MAN2C1: variants seen among roughly 807,000 people sequenced by gnomAD.
MAN2C1 encodes alpha-mannosidase 2C1.
A neutral mutation model predicts 126.9 loss-of-function variants in MAN2C1; 111 were observed. The ratio of observed to expected loss-of-function variants is 0.87; its 90% CI spans 0.75 to 1.02. The LOEUF is 1.02. Among genes scored for constraint, MAN2C1 ranks in the 50% least tolerant of loss-of-function variants. MAN2C1 has a pLI of 0.00. For synonymous variants in MAN2C1, 567 were observed against 561.5 expected (o/e 1.01, Z -0.14); for missense variants, 1,363 against 1,364.4 (o/e 1.00, Z 0.02).
Position 75,362,279 on chromosome 15 carries a change from G to T in MAN2C1, c.1008+64C>A. On this transcript the variant is annotated intron_variant, in intron 8 of 25. Transcript: ENST00000267978. This position sits in a 1 kb window ranked among gnomAD's most constrained non-coding sequence, Gnocchi z 4.5. ...AACTCACCAGCAAAGCCGGGAGGGC[G>T]GGGCTACCTGAGGGAAGGCTGTTGT... 1 of 1,441,420 alleles carries T rather than the reference G, an allele frequency of 6.9e-7. No individual in the cohort carries two copies. The allele number at this position is 1,441,420 out of a possible 1,614,324, so 89.3% of individuals were successfully genotyped here. A position where few individuals can be genotyped will look rare whatever the true frequency, so the allele number is the denominator to read the frequency against.
intron 18 of MAN2C1, 116 bp downstream of exon 18, chr15:75,358,943 G>A: frequency 6.7e-7 from 1 of 1,488,684 alleles, no homozygotes; most frequent in South Asian, 1.2e-5. Context: ...CCATGTGTGG[G>A]TTCCAGCCCA....
intron 1 of MAN2C1, 22 bp from the exon 2 acceptor site, chr15:75,368,220 G>T (rs541672922): frequency 6.3e-7 from 1 of 1,589,548 alleles, no homozygotes; most frequent in Admixed American, 1.7e-5. Context: ...GGGCCGGTGG[G>T]CACATGCTGG....
At position 75,361,935 on chromosome 15, in the gene MAN2C1, G is replaced by GC. The variant is rs748209511; in HGVS notation, c.1020dup (p.Pro341AlafsTer27). ...TGCCTCACCATGGCCTCTCCACTGG[G>GC]CAGGTTCCCATCCTGGCAGTGAAGG... On this transcript the variant is annotated frameshift_variant, in exon 9 of 26. Transcript: ENST00000267978. LOFTEE classifies it high-confidence loss of function. This position sits in a 1 kb window ranked among gnomAD's most constrained non-coding sequence, Gnocchi z 5.0. 5.0e-6 allele frequency: 8 copies of GC among 1,613,798 alleles called. No individual in the cohort carries two copies. Among genetic ancestry groups the GC allele is most frequent in the Non-Finnish European group, 6.8e-6 (8 of 1,179,800 alleles).
intron 2 of MAN2C1, 57 bp from the exon 3 acceptor site, chr15:75,367,691 C>T (rs1187742533): frequency 1.9e-6 from 3 of 1,599,694 alleles, no homozygotes; most frequent in African/African-American, 1.3e-5. Context: ...TGATATCCTT[C>T]CTTGGATAAA....
intron 6 of MAN2C1, among the ~76,000 whole-genome samples, chr15:75,363,460 A>G (rs1261423206): frequency 6.6e-6 from 1 of 152,090 alleles, no homozygotes; most frequent in Admixed American, 6.5e-5. Context: ...TGTCTCTGTA[A>G]TCCTACCCTC....
chr15:75,356,036 G>T lies in MAN2C1; in HGVS notation c.2997-4C>A. The T allele has an allele frequency of 6.2e-7, 1 of 1,613,924 alleles. No individual in the cohort carries two copies. The highest frequency in any genetic ancestry group is 8.5e-7 in the Non-Finnish European group (1 of 1,179,924). On this transcript the variant is annotated splice_polypyrimidine_tract_variant and splice_region_variant and intron_variant, in intron 25 of 25. Coordinates refer to ENST00000267978, the MANE Select transcript of MAN2C1 (RefSeq NM_006715.4). This position sits in a 1 kb window ranked among gnomAD's most constrained non-coding sequence, Gnocchi z 5.8. Reference sequence around the variant, plus strand: ...TGGTCGCTCCAAGAGATCGCAGCTGGAGAACAGGAGGGGCCATGAAGGCTC... The same window carrying T: ...TGGTCGCTCCAAGAGATCGCAGCTGTAGAACAGGAGGGGCCATGAAGGCTC...
In MAN2C1 at chr15:75,364,170, G is replaced by A; in HGVS notation, c.619C>T (p.Gln207Ter). Reference protein sequence around the residue: ...GIAKGLGKDNQRSFQALYTAN... With the variant: ...GIAKGLGKDN The stretch of plus-strand genomic sequence containing the variant: ...GTGTACAGGGCCTGGAAGCTGCGCT[G>A]GTTGTCCTTCCCGAGGCCCTGCAGC... Residue 207 changes from glutamine (Q) to a stop codon, truncating the protein, a stop_gained, in exon 6 of 26, where the codon CAG becomes TAG. Transcript: ENST00000267978. LOFTEE classifies it high-confidence loss of function. The A allele has an allele frequency of 6.2e-7, 1 of 1,610,706 alleles. No individual in the cohort carries two copies. The highest frequency in any genetic ancestry group is 8.5e-7 in the Non-Finnish European group (1 of 1,178,906).
Position 75,356,757 on chromosome 15 carries a change from A to G in MAN2C1, c.2657+36T>C. 1 of 1,613,358 alleles carries G rather than the reference A, an allele frequency of 6.2e-7. No individual in the cohort carries two copies. Among genetic ancestry groups the G allele is most frequent in the Non-Finnish European group, 8.5e-7 (1 of 1,179,536 alleles). On this transcript the variant is annotated intron_variant, in intron 22 of 25. Transcript: ENST00000267978. This position sits in a 1 kb window ranked among gnomAD's most constrained non-coding sequence, Gnocchi z 5.8. ...TGTGGTCGGGAAGACCCATTTCTCC[A>G]TGCCAGCTCCCAGGCCTGGTGGGTA...
Position 75,362,384 on chromosome 15 carries a change from G to C in MAN2C1, c.967C>G (p.Arg323Gly). ...LYSRIQEFACRGQFVPVGGTW... is the reference protein window; with the variant it reads ...LYSRIQEFACGGQFVPVGGTW... ...CCCCCCACAGGCACAAACTGCCCACGGCACGCAAACTCCTGGATGCGGGAG... is the reference window on the plus strand; with the variant it reads ...CCCCCCACAGGCACAAACTGCCCACCGCACGCAAACTCCTGGATGCGGGAG... The change falls in exon 8 of 26, where the codon CGT becomes GGT. Residue 323 changes from arginine to glycine, a missense_variant. Arg to Gly is a moderately radical substitution (Grantham distance 125, BLOSUM62 -2). Around this residue, in one of 3 missense-constraint regions of MAN2C1, gnomAD observed 628 missense variants for 609.8 expected, o/e 1.03. Coordinates refer to ENST00000267978, the MANE Select transcript of MAN2C1 (RefSeq NM_006715.4). This position sits in a 1 kb window ranked among gnomAD's most constrained non-coding sequence, Gnocchi z 4.5. The C allele has an allele frequency of 1.2e-6, 2 of 1,613,940 alleles. No individual in the cohort carries two copies. Among genetic ancestry groups the C allele is most frequent in the Non-Finnish European group, 1.7e-6 (2 of 1,180,012 alleles).
At chr15:75,360,280 C>T (rs755540964) in intron 13 of MAN2C1, 69 bp from the exon 14 acceptor site, 1 of 1,581,278 alleles carries the variant, frequency 6.3e-7, no homozygotes, top group Admixed American at 1.7e-5. Flanking sequence ...CAAAGCCCTC[C>T]CTTGCTCAGA....
chr15:75,368,341 C>A, intron 1 of MAN2C1, 142 bp downstream of exon 1: 1 of 1,400,572 alleles, frequency 7.1e-7, no homozygotes, highest in South Asian at 1.3e-5. Context: ...CATTCCCTAC[C>A]CCCTCCTCCC....
intron 21 of MAN2C1, 38 bp downstream of exon 21, chr15:75,358,163 G>A: frequency 1.2e-6 from 2 of 1,611,288 alleles, no homozygotes; most frequent in Non-Finnish European, 1.7e-6. Context: ...CCCAGCCAGG[G>A]AGGAGTCCAA....
In MAN2C1 at chr15:75,361,685, C is replaced by T; in HGVS notation, c.1137G>A (p.Gln379=). 1 of 1,613,980 alleles carries T rather than the reference C, an allele frequency of 6.2e-7. No homozygotes were observed. Residue 379 remains glutamine (Q), a synonymous_variant, in exon 10 of 26, where the codon CAG becomes CAA. Transcript: ENST00000267978. This position sits in a 1 kb window ranked among gnomAD's most constrained non-coding sequence, Gnocchi z 5.0. ...CACAGCCGTGCATGATCTGGGGGAG[C>T]TGTGCTGAGTAGCCAAAGGTGTCCG... ...WLPDTFGYSA[Q]LPQIMHGCGI... is the part of the protein sequence containing the mutation.
At chr15:75,363,904 G>C (rs2072525633) in intron 6 of MAN2C1, 95 bp downstream of exon 6, 2 of 1,386,602 alleles carry the variant, frequency 1.4e-6, no homozygotes, top group Admixed American at 4.4e-5. Flanking sequence ...AGAGGAGCAA[G>C]AACTTGCTGA....
rs1399459007 is a variant in MAN2C1, at chr15:75,361,057, A to G, written c.1449T>C (p.Asp483=). The G allele has an allele frequency of 6.2e-7, 1 of 1,610,306 alleles. No individual in the cohort carries two copies. Among genetic ancestry groups the G allele is most frequent in the Non-Finnish European group, 8.5e-7 (1 of 1,178,626 alleles). ...AGGCCTGGCCTGACCTGGGCAGCCC[A>G]TCCGTATTGCTCAGGCGCTTCAGGC... is the stretch of plus-strand genomic sequence containing the variant. ...LDRLKRLSNT[D]GLPRVQLSSP... The change falls in exon 12 of 26, where the codon GAT becomes GAC. Residue 483 remains aspartate (D), a synonymous_variant. Transcript: ENST00000267978. The surrounding 1 kb of genome is among the most constrained non-coding windows in gnomAD (Gnocchi z 5.0).
intron 17 of MAN2C1, 38 bp from the exon 18 acceptor site, chr15:75,359,191 G>C (rs1223790797): frequency 1.9e-6 from 3 of 1,612,030 alleles, no homozygotes; most frequent in East Asian, 2.2e-5. Flanking sequence ...GTCTGTAGGG[G>C]CTTCCCACAC....
Position 75,362,234 on chromosome 15 carries a change from G to T in MAN2C1, c.1008+109C>A. 1 of 931,364 alleles carries T rather than the reference G, an allele frequency of 1.1e-6. No individual in the cohort carries two copies. Among genetic ancestry groups the T allele is most frequent in the Non-Finnish European group, 1.7e-6 (1 of 593,548 alleles). 57.7% of individuals were successfully genotyped at this position (931,364 alleles called of 1,614,324 possible). A position where few individuals can be genotyped will look rare whatever the true frequency, so the allele number is the denominator to read the frequency against. ...TAATGAGCCAGCCCTGCCACACAGCGGGGATGAGTGGCCCGTGGAAACTCA... is the reference window on the plus strand; with the variant it reads ...TAATGAGCCAGCCCTGCCACACAGCTGGGATGAGTGGCCCGTGGAAACTCA... On this transcript the variant is annotated intron_variant, in intron 8 of 25. Coordinates refer to ENST00000267978, the MANE Select transcript of MAN2C1 (RefSeq NM_006715.4). This position sits in a 1 kb window ranked among gnomAD's most constrained non-coding sequence, Gnocchi z 4.5.
In MAN2C1 at chr15:75,357,034, G is replaced by A. The variant is rs541378675; in HGVS notation, c.2548-132C>T. 76 of 693,888 alleles carry A rather than the reference G, an allele frequency of 1.1e-4. No homozygotes were observed. The African/African-American group carries it at 1.2e-3, about 11-fold the overall frequency. The allele number at this position is 693,888 out of a possible 1,614,324, so 43.0% of individuals were successfully genotyped here. A position where few individuals can be genotyped will look rare whatever the true frequency, so the allele number is the denominator to read the frequency against. On this transcript the variant is annotated intron_variant, in intron 21 of 25. Coordinates refer to ENST00000267978, the MANE Select transcript of MAN2C1 (RefSeq NM_006715.4). The stretch of plus-strand genomic sequence containing the variant: ...ACTGAACTCCAGCTCCCACTGTACG[G>A]GGCCCTGGGCATGCCACCCAACCTG...
intron 21 of MAN2C1, chr15:75,357,985 C>T (rs1254753335): frequency 1.1e-5 from 6 of 540,876 alleles, no homozygotes; most frequent in Non-Finnish European, 1.7e-5. Context: ...GAACTCCTGA[C>T]CTCAGGTGAT....
Sources: gnomAD v4.1 joint callset for allele counts (sites outside exome capture counted in the v4.1 genomes callset) on GRCh38, gnomAD v4.1.1 for gene constraint, gnomAD v4.1.1 regional missense constraint, Gnocchi (gnomAD v3.1) non-coding constraint, MANE v1.5 for transcripts, NCBI Gene and HGNC (gene_info 2026-07-23, HGNC 2026-07-21) for gene names.